The following ADH1C variants were observed in gnomAD, a reference collection of about 807,000 sequenced individuals.
The protein encoded by ADH1C is alcohol dehydrogenase 1C (class I), gamma polypeptide, also known as alcohol dehydrogenase 1C.
ADH1C carries 26 observed loss-of-function variants against 35.0 expected under a neutral mutation model. That is an observed-to-expected ratio of 0.74 (90% CI 0.54 to 1.03). The LOEUF is 1.03. Among genes scored for constraint, ADH1C ranks in the 50% least tolerant of loss-of-function variants. The probability of loss-of-function intolerance (pLI) is 0.00; values close to 1 mark genes in which losing one functional copy is unlikely to be tolerated. For missense variants in ADH1C, 413 were observed against 465.4 expected, an observed-to-expected ratio of 0.89 and a Z score of 1.04; for synonymous variants, 170 against 169.3, an observed-to-expected ratio of 1.00 and a Z score of -0.03.
intron 2 of ADH1C, among the ~76,000 whole-genome samples, chr4:99,347,527 T>G (rs1461810712): frequency 2.0e-5 from 3 of 152,230 alleles, no homozygotes; most frequent in Non-Finnish European, 2.9e-5. Context: ...TGTACAAACC[T>G]ATAAATTCTT....
chr4:99,347,107 A>G lies in ADH1C; in HGVS notation c.158T>C (p.Val53Ala). ...GGGGGTCACCAGGTTGCCACTAACC[A>G]CATGCTCATCTGAACGACAGATTCC... ...AAGICRSDEH[V>A]VSGNLVTPLP... The change falls in exon 3 of 9, where the codon GTG becomes GCG. Residue 53 changes from valine to alanine, a missense_variant. Physicochemically the swap from Val to Ala is moderately conservative, Grantham distance 64 (BLOSUM62 0). Transcript: ENST00000515683. 1 of 1,614,116 alleles carries G rather than the reference A, an allele frequency of 6.2e-7. No individual in the cohort carries two copies. The highest frequency in any genetic ancestry group is 8.5e-7 in the Non-Finnish European group (1 of 1,179,994).
intron 1 of ADH1C, among the ~76,000 whole-genome samples, chr4:99,350,147 T>A (rs1191671211): frequency 1.3e-5 from 2 of 152,206 alleles, no homozygotes; most frequent in African/African-American, 4.8e-5. Context: ...AAAATAAATA[T>A]CAGAATACTT....
chr4:99,352,363 C>T (rs1734696974), intron 1 of ADH1C, among the ~76,000 whole-genome samples: 1 of 151,978 alleles, frequency 6.6e-6, no homozygotes, highest in South Asian at 2.1e-4. Context: ...CACTTTACGG[C>T]AAATTTATTT....
At chr4:99,343,166 G>C in intron 5 of ADH1C, 111 bp from the exon 6 acceptor site, 1 of 1,442,306 alleles carries the variant, frequency 6.9e-7, no homozygotes, top group Admixed American at 2.4e-5. Context: ...AGACTCTTCT[G>C]TCCAATCTGT....
intron 6 of ADH1C, among the ~76,000 whole-genome samples, 196 bp downstream of exon 6, chr4:99,342,599 G>C (rs1472022025): frequency 6.6e-6 from 1 of 152,132 alleles, no homozygotes; most frequent in Non-Finnish European, 1.5e-5. Context: ...AATATGACTT[G>C]AGACAGGTTT....
At position 99,342,803 on chromosome 4, in the gene ADH1C, C is replaced by T; in HGVS notation, c.820G>A (p.Asp274Asn). The T allele has an allele frequency of 6.2e-7, 1 of 1,614,004 alleles. No homozygotes were observed. Among genetic ancestry groups the T allele is most frequent in the South Asian group, 1.1e-5 (1 of 91,078 alleles). ...CATGTCACGGATCATACCATGGTGTCAAGCCGACCGATGACTTCAAACGAA... is the reference window on the plus strand; with the variant it reads ...CATGTCACGGATCATACCATGGTGTTAAGCCGACCGATGACTTCAAACGAA... ...DFSFEVIGRLDTMMASLLCCH... is the reference protein window; with the variant it reads ...DFSFEVIGRLNTMMASLLCCH... Residue 274 changes from aspartate to asparagine, a missense_variant, in exon 6 of 9, where the codon GAC (aspartate) becomes AAC (asparagine). By Grantham distance (23) the Asp-to-Asn change is conservative. Coordinates refer to ENST00000515683, the MANE Select transcript of ADH1C (RefSeq NM_000669.5).
chr4:99,338,475 A>T, intron 8 of ADH1C, among the ~76,000 whole-genome samples: 1 of 129,824 alleles, frequency 7.7e-6, no homozygotes, highest in Non-Finnish European at 1.6e-5. Context: ...GTGGTTTAAT[A>T]GAAAGTGAAT....
chr4:99,342,782 T>A lies in ADH1C; in HGVS notation c.828+13A>T, dbSNP rs746207916. 11 of 1,613,996 alleles carry A rather than the reference T, an allele frequency of 6.8e-6. No individual in the cohort carries two copies. The South Asian group carries it at 1.1e-4, about 16-fold the overall frequency. On this transcript the variant is annotated intron_variant, in intron 6 of 8. Coordinates refer to ENST00000515683, the MANE Select transcript of ADH1C (RefSeq NM_000669.5). ...GCAGAGGCAGAAATTTCAGGGCATG[T>A]CACGGATCATACCATGGTGTCAAGC... is the stretch of plus-strand genomic sequence containing the variant.
At chr4:99,338,540 T>A (rs945731633) in intron 8 of ADH1C, among the ~76,000 whole-genome samples, 4 of 147,680 alleles carry the variant, frequency 2.7e-5, no homozygotes, top group African/African-American at 1.0e-4. Flanking sequence ...TCCTACCACC[T>A]GATGATTTTG....
chr4:99,342,817 A>C lies in ADH1C; in HGVS notation c.806T>G (p.Val269Gly). The C allele has an allele frequency of 6.2e-7, 1 of 1,614,024 alleles. No homozygotes were observed. Among genetic ancestry groups the C allele is most frequent in the Non-Finnish European group, 8.5e-7 (1 of 1,179,884 alleles). The change falls in exon 6 of 9, where the codon GTC becomes GGC. Residue 269 changes from valine (V) to glycine (G), a missense_variant. By Grantham distance (109) the Val-to-Gly change is moderately radical (BLOSUM62 -3). Coordinates refer to ENST00000515683, the MANE Select transcript of ADH1C (RefSeq NM_000669.5). ...TDGGVDFSFE[V>G]IGRLDTMMAS... is the part of the protein sequence containing the mutation. ...TACCATGGTGTCAAGCCGACCGATG[A>C]CTTCAAACGAAAAATCCACACCTCC...
chr4:99,350,213 A>G (rs1424197027), intron 1 of ADH1C, among the ~76,000 whole-genome samples: 5 of 152,170 alleles, frequency 3.3e-5, no homozygotes, highest in African/African-American at 1.2e-4. Flanking sequence ...ATGATGTGAC[A>G]GGTGCACTGT....
intron 5 of ADH1C, among the ~76,000 whole-genome samples, chr4:99,343,443 C>G (rs972824953): frequency 1.6e-4 from 24 of 152,168 alleles, no homozygotes; most frequent in Non-Finnish European, 2.6e-4. Flanking sequence ...TGTAGGGACT[C>G]TCAATTGCTG....
intron 5 of ADH1C, among the ~76,000 whole-genome samples, chr4:99,343,564 A>T (rs1734463192): frequency 1.3e-5 from 2 of 152,248 alleles, no homozygotes; most frequent in Non-Finnish European, 2.9e-5. Flanking sequence ...TTCCACTTTA[A>T]CTCTCAATAA....
Position 99,344,810 on chromosome 4 carries a change from G to GCAAA in ADH1C, c.567+51_567+52insTTTG. ...TCTTGCAAGAAATTGCTTCCCTTTTGGTTCCTGACAGTCTGCGTGTAACCG... is the reference window on the plus strand; with the variant it reads ...TCTTGCAAGAAATTGCTTCCCTTTTGCAAAGTTCCTGACAGTCTGCGTGTAACCG... On this transcript the variant is annotated intron_variant, in intron 5 of 8. Coordinates refer to ENST00000515683, the MANE Select transcript of ADH1C (RefSeq NM_000669.5). The GCAAA allele has an allele frequency of 3.1e-6, 5 of 1,600,894 alleles. No homozygotes were observed. In the Admixed American group the frequency reaches 8.5e-5, roughly 27 times the overall value.
chr4:99,345,101 G>A lies in ADH1C; in HGVS notation c.348-20C>T, dbSNP rs1734500673. On this transcript the variant is annotated intron_variant, in intron 4 of 8. Coordinates refer to ENST00000515683, the MANE Select transcript of ADH1C (RefSeq NM_000669.5). ...CCTAGACTGGGCAGTGCAATACAAA[G>A]ACACACAAAGGCATGAGACAGGACC... The A allele has an allele frequency of 6.2e-7, 1 of 1,614,026 alleles. No homozygotes were observed. The highest frequency in any genetic ancestry group is 8.5e-7 in the Non-Finnish European group (1 of 1,180,014).
chr4:99,349,400 A>ATG (rs1445196837), intron 1 of ADH1C, among the ~76,000 whole-genome samples: 4 of 151,996 alleles, frequency 2.6e-5, no homozygotes, highest in African/African-American at 4.8e-5. Context: ...TTCTCCAAAG[A>ATG]TGTTTAATCC....
chr4:99,336,858 G>A, intron 8 of ADH1C, 82 bp from the exon 9 acceptor site: 3 of 1,580,292 alleles, frequency 1.9e-6, no homozygotes, highest in Non-Finnish European at 2.6e-6. Flanking sequence ...AGTATTTGAG[G>A]TGACTTAGTG....
Position 99,344,950 on chromosome 4 carries a change from T to C in ADH1C, c.479A>G (p.Lys160Arg), listed in dbSNP as rs756144588. The part of the protein sequence containing the change: ...YTVVDENAVA[K>R]IDAASPLEKV... ...CTCCAGGGGCGAGGCTGCATCAATT[T>C]TGGCCACTGCATTCTCATCCACCAC... Residue 160 changes from lysine to arginine, a missense_variant, in exon 5 of 9, where the codon AAA becomes AGA. Physicochemically the swap from Lys to Arg is conservative, Grantham distance 26. Transcript: ENST00000515683. 1 of 1,614,176 alleles carries C rather than the reference T, an allele frequency of 6.2e-7. No homozygotes were observed. The highest frequency in any genetic ancestry group is 1.1e-5 in the South Asian group (1 of 91,072).
At position 99,352,691 on chromosome 4, in the gene ADH1C, T is replaced by G; in HGVS notation, c.-16A>C. On this transcript the variant is annotated 5_prime_UTR_variant, in exon 1 of 9. Transcript: ENST00000515683. ...CTGTGCTCATATTGATTCTGTCTTC[T>G]CTGCAGACCAGGAGGCTGGTGAGTA... The G allele has an allele frequency of 6.2e-7, 1 of 1,613,082 alleles. No individual in the cohort carries two copies. The highest frequency in any genetic ancestry group is 8.5e-7 in the Non-Finnish European group (1 of 1,179,244).
Sources: allele counts gnomAD v4.1 joint callset (sites outside exome capture counted in the v4.1 genomes callset), GRCh38; gene constraint gnomAD v4.1.1; transcripts MANE v1.5; gene names NCBI Gene and HGNC (gene_info 2026-07-23, HGNC 2026-07-21).